Variants in SFI1 observed in about 807,000 individuals in gnomAD.
SFI1 encodes SFI1 centrin binding protein.
Under a neutral mutation model 207.5 loss-of-function variants are expected in SFI1, and 195 were observed. The ratio of observed to expected loss-of-function variants is 0.94; its 90% CI spans 0.84 to 1.06. SFI1 has a LOEUF of 1.06. SFI1 is among the 50% of genes least tolerant of loss of function. SFI1 has a pLI of 0.00. For missense variants in SFI1, 1,634 were observed against 1,588.0 expected (o/e 1.03, Z -0.49); for synonymous variants, 630 against 598.9 (o/e 1.05, Z -0.76).
intron 14 of SFI1, among the ~76,000 whole-genome samples, chr22:31,585,413 C>T (rs1292834171): frequency 6.6e-6 from 1 of 152,176 alleles, no homozygotes; most frequent in East Asian, 1.9e-4. Context: ...TTCATTTAGT[C>T]TCTGAGTTAG....
chr22:31,574,781 G>T (rs1235354652), intron 9 of SFI1, among the ~76,000 whole-genome samples: 1 of 152,088 alleles, frequency 6.6e-6, no homozygotes, highest in African/African-American at 2.4e-5. Flanking sequence ...TTTTGGCCGG[G>T]CGCGGTGGCT....
Position 31,598,716 on chromosome 22 carries a change from C to CTTTTTTTTTTTTTTT in SFI1, c.1545-3487_1545-3473dup, listed in dbSNP as rs71184513. ...ACAGGCATAAGCCACTGCGCCTGGC[C>CTTTTTTTTTTTTTTT]TTTTTTTTTTTTTTTTTTTTTTTGA... On this transcript the variant is annotated intron_variant, in intron 15 of 32. Coordinates refer to ENST00000400288, the MANE Select transcript of SFI1 (RefSeq NM_001007467.3). Among the ~76,000 whole-genome samples, 260 of 26,888 alleles carry CTTTTTTTTTTTTTTT rather than the reference C, an allele frequency of 9.7e-3. 82 individuals carry two copies. The highest frequency in any genetic ancestry group is 0.036 in the East Asian group (17 of 466). The allele number at this position is 26,888 out of a possible 152,430, so 17.6% of individuals were successfully genotyped here.
intron 12 of SFI1, among the ~76,000 whole-genome samples, chr22:31,582,204 TTTTATATATATATATATATATA>T (rs1292700582): frequency 6.2e-5 from 1 of 16,004 alleles, no homozygotes; most frequent in Admixed American, 1.1e-3. Context: ...CTTTATTACA[TTTTATATATATATATATATATA>T]TATATATATA....
At chr22:31,592,418 A>C (rs1172194631) in intron 15 of SFI1, among the ~76,000 whole-genome samples, 38 of 21,910 alleles carry the variant, frequency 1.7e-3, no homozygotes, top group Admixed American at 3.7e-3. Context: ...TGACCCCCCC[A>C]CCTCCCTCCC....
chr22:31,614,456 C>T, intron 27 of SFI1: 1 of 495,994 alleles, frequency 2.0e-6, no homozygotes, highest in Non-Finnish European at 3.9e-6. Context: ...CTGCTGTGCT[C>T]CTCACTGTTT....
chr22:31,575,213 G>A lies in SFI1; in HGVS notation c.923-18G>A, dbSNP rs560206322. On this transcript the variant is annotated intron_variant, in intron 9 of 32. Transcript: ENST00000400288. ...CTAACCTTAGGGGAGTAGCACTTAAGTTATTTCTCTGTTGCAGAGATGGCT... is the reference window on the plus strand; with the variant it reads ...CTAACCTTAGGGGAGTAGCACTTAAATTATTTCTCTGTTGCAGAGATGGCT... 3 of 1,593,910 alleles carry A rather than the reference G, an allele frequency of 1.9e-6. No individual in the cohort carries two copies. Among genetic ancestry groups the A allele is most frequent in the Admixed American group, 1.7e-5 (1 of 57,962 alleles).
At chr22:31,603,331 A>G (rs1443554257) in intron 17 of SFI1, among the ~76,000 whole-genome samples, 1 of 152,206 alleles carries the variant, frequency 6.6e-6, no homozygotes, top group Non-Finnish European at 1.5e-5. Context: ...AGCTGTGGCC[A>G]GTGGGTGGGT....
At chr22:31,613,322 G>T (rs142005903) in intron 25 of SFI1, 32 bp from the exon 26 acceptor site, 3 of 1,602,724 alleles carry the variant, frequency 1.9e-6, no homozygotes, top group Admixed American at 3.3e-5. Context: ...TAAGCAGGGA[G>T]ACCTGGGCCT....
intron 4 of SFI1, among the ~76,000 whole-genome samples, chr22:31,541,217 C>T (rs994644278): frequency 6.6e-6 from 1 of 152,012 alleles, no homozygotes; most frequent in African/African-American, 2.4e-5. Flanking sequence ...TCTCCCTTCT[C>T]CCCCTACAAG....
chr22:31,551,127 A>G (rs1455750996), intron 6 of SFI1, among the ~76,000 whole-genome samples: 1 of 152,150 alleles, frequency 6.6e-6, no homozygotes. Flanking sequence ...AGAGTGTTGT[A>G]AGTGCCACTT....
chr22:31,587,482 G>T (rs990471884), intron 14 of SFI1: 5,892 of 163,172 alleles, frequency 0.036, 136 homozygotes, highest in Non-Finnish European at 0.058. Flanking sequence ...TTTGTGTTTT[G>T]TTTTTTTTTT....
chr22:31,603,263 TA>T (rs1184645535), intron 17 of SFI1, among the ~76,000 whole-genome samples: 1 of 152,106 alleles, frequency 6.6e-6, no homozygotes, highest in Non-Finnish European at 1.5e-5. Flanking sequence ...AGCCAGGGAA[TA>T]AACTGATGGG....
chr22:31,585,107 G>C lies in SFI1; in HGVS notation c.1386G>C (p.Gln462His). ...GCAAATGTATCGAATTGTGGCTACA[G>C]TATACTCAGAAGAGGCGGTACAAGC... ...LLCKCIELWLQYTQKRRYKQL... is the reference protein window; with the variant it reads ...LLCKCIELWLHYTQKRRYKQL... The change falls in exon 14 of 33, where the codon CAG becomes CAC. Residue 462 changes from glutamine (Q) to histidine (H), a missense_variant. By Grantham distance (24) the Gln-to-His change is conservative (BLOSUM62 0). Coordinates refer to ENST00000400288, the MANE Select transcript of SFI1 (RefSeq NM_001007467.3). 1 of 1,614,106 alleles carries C rather than the reference G, an allele frequency of 6.2e-7. No individual in the cohort carries two copies. The highest frequency in any genetic ancestry group is 8.5e-7 in the Non-Finnish European group (1 of 1,179,974).
intron 1 of SFI1, among the ~76,000 whole-genome samples, chr22:31,502,826 G>A (rs1013907598): frequency 4.6e-5 from 7 of 152,004 alleles, no homozygotes; most frequent in Non-Finnish European, 8.8e-5. Context: ...GTAACTGAGA[G>A]ATTATGGCCG....
intron 15 of SFI1, among the ~76,000 whole-genome samples, chr22:31,593,867 C>G (rs1054681864): frequency 1.3e-5 from 2 of 148,270 alleles, no homozygotes; most frequent in Admixed American, 6.7e-5. Flanking sequence ...TGCCTGCAAT[C>G]GCAGGCATTC....
In SFI1 at chr22:31,508,375, AGGTGAGTGATGGGACTT is replaced by A; in HGVS notation, c.92+1_92+17del. The A allele has an allele frequency of 1.2e-6, 2 of 1,608,298 alleles. No homozygotes were observed. Among genetic ancestry groups the A allele is most frequent in the Non-Finnish European group, 1.7e-6 (2 of 1,175,680 alleles). On this transcript the variant is annotated splice_donor_variant and splice_donor_5th_base_variant and coding_sequence_variant and intron_variant, in exon 2 of 33. Coordinates refer to ENST00000400288, the MANE Select transcript of SFI1 (RefSeq NM_001007467.3). LOFTEE classifies it high-confidence loss of function. ...GAGAATGGAGAAGAAGGTTGATTCC[AGGTGAGTGATGGGACTT>A]GAGAAAAAAATATAACTGGAATGAT...
At position 31,602,662 on chromosome 22, in the gene SFI1, A is replaced by G; in HGVS notation, c.1682A>G (p.Gln561Arg). 1 of 1,614,190 alleles carries G rather than the reference A, an allele frequency of 6.2e-7. No individual in the cohort carries two copies. Among genetic ancestry groups the G allele is most frequent in the Non-Finnish European group, 8.5e-7 (1 of 1,180,000 alleles). Residue 561 changes from glutamine (Q) to arginine (R), a missense_variant, in exon 17 of 33, where the codon CAG (glutamine) becomes CGG (arginine). Transcript: ENST00000400288. ...LLYRSWFMWH[Q>R]QAAARHQEQE... ...TATAGGTCTTGGTTCATGTGGCACC[A>G]GCAGGCAGCAGCACGTCACCAGGAG...
chr22:31,611,664 G>A (rs1569460412), intron 23 of SFI1, 102 bp from the exon 24 acceptor site: 4 of 1,190,666 alleles, frequency 3.4e-6, no homozygotes, highest in Non-Finnish European at 4.7e-6. Flanking sequence ...CCTAGCAATG[G>A]GAGGACATTC....
intron 7 of SFI1, among the ~76,000 whole-genome samples, chr22:31,557,679 C>G (rs142756427): frequency 3.3e-5 from 5 of 152,118 alleles, no homozygotes; most frequent in African/African-American, 9.6e-5. Context: ...TAACCCTTAC[C>G]GTAAACTGTA....
Sources: allele counts gnomAD v4.1 joint callset (sites outside exome capture counted in the v4.1 genomes callset), GRCh38; gene constraint gnomAD v4.1.1; transcripts MANE v1.5; gene names NCBI Gene and HGNC (gene_info 2026-07-23, HGNC 2026-07-21).